Variants in CHRNA7 observed in about 807,000 individuals in gnomAD.
The protein encoded by CHRNA7 is cholinergic receptor nicotinic alpha 7 subunit.
Under a neutral mutation model 48.0 loss-of-function variants are expected in CHRNA7, and 17 were observed. The observed-to-expected ratio is 0.35, with a 90% CI of 0.24 to 0.53. CHRNA7 has a LOEUF of 0.53. CHRNA7 is among the 20% of genes least tolerant of loss of function. The probability of loss-of-function intolerance (pLI) is 0.92; values close to 1 mark genes in which losing one functional copy is unlikely to be tolerated. For missense variants in CHRNA7, 155 were observed against 577.7 expected (o/e 0.27, Z 7.50); for synonymous variants, 75 against 242.3 (o/e 0.31, Z 6.41).
intron 4 of CHRNA7, among the ~76,000 whole-genome samples, chr15:32,117,398 G>T (rs570061824): frequency 3.9e-5 from 6 of 152,288 alleles, no homozygotes; most frequent in Admixed American, 3.9e-4. Context: ...GATGCTTGCA[G>T]TAGGCAGCTG....
chr15:32,104,589 C>T (rs1312674894), intron 3 of CHRNA7, among the ~76,000 whole-genome samples: 1 of 152,146 alleles, frequency 6.6e-6, no homozygotes, highest in African/African-American at 2.4e-5. Context: ...GGACAGGGCT[C>T]CAGGTGCATT....
At chr15:32,127,632 G>A (rs1357793311) in intron 4 of CHRNA7, among the ~76,000 whole-genome samples, 1 of 151,916 alleles carries the variant, frequency 6.6e-6, no homozygotes, top group African/African-American at 2.4e-5. Flanking sequence ...CTGTTTGCCC[G>A]TTTTCTAGTT....
At chr15:32,065,193 C>T (rs1285797814) in intron 2 of CHRNA7, among the ~76,000 whole-genome samples, 1 of 152,082 alleles carries the variant, frequency 6.6e-6, no homozygotes, top group East Asian at 1.9e-4. Flanking sequence ...TTTAACCTGC[C>T]CTATTTCCTT....
intron 3 of CHRNA7, among the ~76,000 whole-genome samples, chr15:32,110,034 A>G (rs139205346): frequency 1.6e-3 from 250 of 152,306 alleles, no homozygotes; most frequent in Admixed American, 3.5e-3. Flanking sequence ...TACCATGCCC[A>G]CTTTCCAGGG....
chr15:32,091,275 T>G (rs1461577599), intron 2 of CHRNA7, among the ~76,000 whole-genome samples: 1 of 152,210 alleles, frequency 6.6e-6, no homozygotes, highest in East Asian at 1.9e-4. Context: ...AATGTTATAC[T>G]TTATGTATTT....
At chr15:32,138,846 C>T (rs1163554077) in intron 4 of CHRNA7, among the ~76,000 whole-genome samples, 7 of 152,024 alleles carry the variant, frequency 4.6e-5, no homozygotes, top group South Asian at 2.1e-4. Context: ...CTCCACGTCC[C>T]GGGTTCAAGC....
chr15:32,144,092 GAGCTCTTGT>G (rs1377122515), intron 4 of CHRNA7, among the ~76,000 whole-genome samples: 1 of 152,118 alleles, frequency 6.6e-6, no homozygotes, highest in Non-Finnish European at 1.5e-5. Context: ...CTTCCTTCAG[GAGCTCTTGT>G]AAGGCAGGCC....
intron 2 of CHRNA7, among the ~76,000 whole-genome samples, chr15:32,047,362 A>G (rs1370296071): frequency 6.6e-6 from 1 of 150,700 alleles, no homozygotes; most frequent in Middle Eastern, 3.2e-3. Context: ...AGTGGTTTGT[A>G]GTTCTCCTTG....
chr15:32,058,168 C>G (rs2049818103), intron 2 of CHRNA7, among the ~76,000 whole-genome samples: 1 of 152,208 alleles, frequency 6.6e-6, no homozygotes, highest in Non-Finnish European at 1.5e-5. Flanking sequence ...TGATGTGTGG[C>G]TGCAGGGTGC....
intron 2 of CHRNA7, among the ~76,000 whole-genome samples, chr15:32,036,415 G>A (rs1902088484): frequency 6.6e-6 from 1 of 152,174 alleles, no homozygotes; most frequent in Non-Finnish European, 1.5e-5. Context: ...ATTTTTACGT[G>A]AACATAAGGT....
At chr15:32,115,422 C>A (rs575424902) in intron 4 of CHRNA7, among the ~76,000 whole-genome samples, 1 of 152,214 alleles carries the variant, frequency 6.6e-6, no homozygotes, top group South Asian at 2.1e-4. Flanking sequence ...CTCTGCCCCC[C>A]CTTGCTGGCT....
intron 2 of CHRNA7, among the ~76,000 whole-genome samples, chr15:32,059,490 G>T (rs2049842346): frequency 6.6e-6 from 1 of 152,054 alleles, no homozygotes; most frequent in Non-Finnish European, 1.5e-5. Context: ...TGGTCACTGT[G>T]ATCCTTAATC....
intron 2 of CHRNA7, among the ~76,000 whole-genome samples, chr15:32,047,609 A>G (rs1391574882): frequency 1.3e-5 from 2 of 152,092 alleles, no homozygotes; most frequent in Admixed American, 6.5e-5. Context: ...CAATCATGTC[A>G]TCTGCAAACA....
chr15:32,143,542 G>A (rs545413169), intron 4 of CHRNA7, among the ~76,000 whole-genome samples: 1 of 152,136 alleles, frequency 6.6e-6, no homozygotes, highest in South Asian at 2.1e-4. Flanking sequence ...TTATTATTTT[G>A]TGGGAGTCTA....
intron 4 of CHRNA7, among the ~76,000 whole-genome samples, chr15:32,113,808 A>T (rs1041997740): frequency 1.3e-5 from 2 of 151,812 alleles, no homozygotes; most frequent in African/African-American, 4.8e-5. Flanking sequence ...TCAAGAATAA[A>T]TTTTATAACA....
chr15:32,097,005 CGT>C (rs1158976167), intron 2 of CHRNA7, among the ~76,000 whole-genome samples: 1 of 117,264 alleles, frequency 8.5e-6, no homozygotes, highest in Non-Finnish European at 1.9e-5. Context: ...GCAGGAGAGC[CGT>C]GTGTGTGAGT....
intron 4 of CHRNA7, among the ~76,000 whole-genome samples, chr15:32,118,862 C>T (rs2050917063): frequency 6.6e-6 from 1 of 151,818 alleles, no homozygotes; most frequent in African/African-American, 2.4e-5. Flanking sequence ...CAGGGAGAGA[C>T]CAGGAGACAG....
chr15:32,076,627 T>A (rs1252062808), intron 2 of CHRNA7, among the ~76,000 whole-genome samples: 1 of 152,218 alleles, frequency 6.6e-6, no homozygotes, highest in East Asian at 1.9e-4. Flanking sequence ...ATTTTATTTT[T>A]AGAGCAGTTT....
At chr15:32,134,552 A>G (rs781432762) in intron 4 of CHRNA7, among the ~76,000 whole-genome samples, 14 of 152,254 alleles carry the variant, frequency 9.2e-5, no homozygotes, top group Non-Finnish European at 1.5e-4. Flanking sequence ...ATGAAACACT[A>G]TAAGAAATAA....
Sources: allele counts gnomAD v4.1 joint callset (sites outside exome capture counted in the v4.1 genomes callset), GRCh38; gene constraint gnomAD v4.1.1; transcripts MANE v1.5; gene names NCBI Gene and HGNC (gene_info 2026-07-23, HGNC 2026-07-21).